Variants in CHRM3 observed in about 807,000 individuals in gnomAD.
CHRM3 encodes muscarinic acetylcholine receptor M3.
A neutral mutation model predicts 41.8 loss-of-function variants in CHRM3; 11 were observed. That is an observed-to-expected ratio of 0.26 (90% confidence interval 0.17 to 0.44). The LOEUF is 0.44. CHRM3 is among the 20% of genes least tolerant of loss of function. The probability of loss-of-function intolerance (pLI) is 1.00; values close to 1 mark genes in which losing one functional copy is unlikely to be tolerated. For synonymous variants in CHRM3, 297 were observed against 301.4 expected (o/e 0.99, Z 0.15); for missense variants, 571 against 745.4 (o/e 0.77, Z 2.72).
At chr1:239,633,749 A>G (rs1182623301) in intron 4 of CHRM3, among the ~76,000 whole-genome samples, 1 of 140,298 alleles carries the variant, frequency 7.1e-6, no homozygotes, top group Non-Finnish European at 1.5e-5. Flanking sequence ...CAATCACAGC[A>G]ACAAAAGCCG....
chr1:239,793,010 T>A (rs1669473980), intron 5 of CHRM3, among the ~76,000 whole-genome samples: 1 of 152,114 alleles, frequency 6.6e-6, no homozygotes, highest in African/African-American at 2.4e-5. Context: ...AGATGGAGAG[T>A]TTGACTTTGC....
intron 3 of CHRM3, among the ~76,000 whole-genome samples, chr1:239,607,303 G>A (rs2148724551): frequency 6.6e-6 from 1 of 152,074 alleles, no homozygotes; most frequent in Admixed American, 6.5e-5. Flanking sequence ...CATTTAAGGT[G>A]CTTAGAATAA....
chr1:239,854,488 C>T (rs1674948303), intron 6 of CHRM3, among the ~76,000 whole-genome samples: 1 of 152,126 alleles, frequency 6.6e-6, no homozygotes, highest in African/African-American at 2.4e-5. Flanking sequence ...TGTTTTTCTC[C>T]TGAAACTACA....
chr1:239,814,799 T>G (rs996241082), intron 5 of CHRM3, among the ~76,000 whole-genome samples: 3 of 152,174 alleles, frequency 2.0e-5, no homozygotes, highest in Non-Finnish European at 2.9e-5. Context: ...GTTTTCTTTT[T>G]TGAGACACAG....
chr1:239,757,129 A>G (rs911549583), intron 5 of CHRM3, among the ~76,000 whole-genome samples: 2 of 152,218 alleles, frequency 1.3e-5, no homozygotes, highest in Non-Finnish European at 2.9e-5. Flanking sequence ...GAGAATTTCA[A>G]GACAAATGTA....
intron 1 of CHRM3, among the ~76,000 whole-genome samples, chr1:239,412,876 G>C (rs973090325): frequency 6.6e-6 from 1 of 151,742 alleles, no homozygotes; most frequent in African/African-American, 2.4e-5. Flanking sequence ...GTCAAGAGAT[G>C]GAGACCAGCC....
chr1:239,689,609 A>G (rs1659513415), intron 5 of CHRM3, among the ~76,000 whole-genome samples: 1 of 152,194 alleles, frequency 6.6e-6, no homozygotes, highest in African/African-American at 2.4e-5. Flanking sequence ...ACTTTGCACT[A>G]CGTCTTCAGA....
intron 2 of CHRM3, among the ~76,000 whole-genome samples, chr1:239,505,696 C>A (rs967695786): frequency 6.6e-6 from 1 of 152,118 alleles, no homozygotes; most frequent in Non-Finnish European, 1.5e-5. Flanking sequence ...TGTAGATACT[C>A]AAAAATATGG....
rs1664783243 is a variant in CHRM3 at position 239,740,794 on chromosome 1, A to G, written c.-147+62506A>G. Among the ~76,000 whole-genome samples, 3 of 152,220 alleles carry G rather than the reference A, an allele frequency of 2.0e-5. No homozygotes were observed. The South Asian group carries it at 6.2e-4, about 32-fold the overall frequency. On this transcript the variant is annotated intron_variant, in intron 5 of 6. Coordinates refer to ENST00000676153, the MANE Select transcript of CHRM3 (RefSeq NM_001375978.1). ...CCATTTCACACCAGTTAGAAGGGCG[A>G]TTATTAAAAAGTCAGGAAAAAACAA...
chr1:239,605,353 G>T (rs779334181), intron 3 of CHRM3, among the ~76,000 whole-genome samples: 1 of 152,132 alleles, frequency 6.6e-6, no homozygotes, highest in Non-Finnish European at 1.5e-5. Flanking sequence ...ATTCAGTACA[G>T]TAACATACTG....
chr1:239,764,039 T>A (rs1667011889), intron 5 of CHRM3, among the ~76,000 whole-genome samples: 1 of 150,710 alleles, frequency 6.6e-6, no homozygotes, highest in South Asian at 2.1e-4. Flanking sequence ...TGCAGTGAGC[T>A]ATGATTGCAC....
chr1:239,581,944 C>T (rs565140449), intron 3 of CHRM3, among the ~76,000 whole-genome samples: 121 of 152,176 alleles, frequency 8.0e-4, no homozygotes, highest in Non-Finnish European at 1.6e-3. Context: ...TTATTTGTAG[C>T]ATTTTTCATC....
At chr1:239,493,796 A>G (rs138198236) in intron 2 of CHRM3, among the ~76,000 whole-genome samples, 2 of 152,330 alleles carry the variant, frequency 1.3e-5, no homozygotes, top group East Asian at 1.9e-4. Context: ...AATACAAACT[A>G]TATACAAATG....
intron 5 of CHRM3, among the ~76,000 whole-genome samples, chr1:239,746,553 A>G (rs1393816276): frequency 6.6e-6 from 1 of 152,206 alleles, no homozygotes; most frequent in Non-Finnish European, 1.5e-5. Context: ...ATTGTATCTC[A>G]TAGAAAGTTT....
intron 1 of CHRM3, among the ~76,000 whole-genome samples, chr1:239,485,729 T>A (rs550660143): frequency 1.3e-5 from 2 of 152,304 alleles, no homozygotes; most frequent in Admixed American, 6.5e-5. Context: ...TATTTGCCAC[T>A]GCGTGATGTA....
chr1:239,569,183 A>G (rs1461700143), intron 3 of CHRM3, among the ~76,000 whole-genome samples: 3 of 152,348 alleles, frequency 2.0e-5, no homozygotes, highest in Middle Eastern at 3.4e-3. Context: ...CTATATGACA[A>G]TAAGAAAGTT....
At chr1:239,389,202 G>A (rs1391422361) in intron 1 of CHRM3, among the ~76,000 whole-genome samples, 2 of 152,152 alleles carry the variant, frequency 1.3e-5, no homozygotes, top group Non-Finnish European at 1.5e-5. Context: ...ATGTAATTTG[G>A]GAAAAGGAGC....
At chr1:239,711,301 C>T (rs1572060520) in intron 5 of CHRM3, among the ~76,000 whole-genome samples, 1 of 152,104 alleles carries the variant, frequency 6.6e-6, no homozygotes, top group East Asian at 1.9e-4. Flanking sequence ...AACTTTGCAT[C>T]CTTTGAGTCC....
At chr1:239,709,690 G>A (rs1037162961) in intron 5 of CHRM3, among the ~76,000 whole-genome samples, 7 of 152,124 alleles carry the variant, frequency 4.6e-5, no homozygotes, top group Non-Finnish European at 7.4e-5. Flanking sequence ...CATTGTCAGG[G>A]ACAGGTTTTT....
Sources: gnomAD v4.1 joint callset for allele counts (sites outside exome capture counted in the v4.1 genomes callset) on GRCh38, gnomAD v4.1.1 for gene constraint, MANE v1.5 for transcripts, NCBI Gene and HGNC (gene_info 2026-07-23, HGNC 2026-07-21) for gene names.